Variants in CAMTA1 observed in about 807,000 individuals in gnomAD.
CAMTA1 encodes calmodulin binding transcription activator 1, also known as calmodulin-binding transcription activator 1.
A neutral mutation model predicts 170.9 loss-of-function variants in CAMTA1; 27 were observed. That is an observed-to-expected ratio of 0.16 (90% CI 0.12 to 0.22). CAMTA1 has a LOEUF of 0.22. Ranked by LOEUF, CAMTA1 falls within the 10% of genes least tolerant of loss-of-function variation. CAMTA1 has a pLI of 1.00. For synonymous variants in CAMTA1, 833 were observed against 891.5 expected (o/e 0.93, Z 1.17); for missense variants, 1,619 against 2,217.2 (o/e 0.73, Z 5.42).
intron 11 of CAMTA1, among the ~76,000 whole-genome samples, chr1:7,705,160 G>C (rs1383621515): frequency 6.6e-6 from 1 of 151,732 alleles, no homozygotes; most frequent in Non-Finnish European, 1.5e-5. Context: ...GAAGTGTGGG[G>C]ATCCGGCGGG....
At chr1:7,343,865 G>A (rs2084021732) in intron 5 of CAMTA1, among the ~76,000 whole-genome samples, 1 of 152,230 alleles carries the variant, frequency 6.6e-6, no homozygotes, top group Non-Finnish European at 1.5e-5. Context: ...TGTGGTTGAT[G>A]TGTAGCTAGA....
intron 6 of CAMTA1, among the ~76,000 whole-genome samples, chr1:7,637,574 A>G (rs2095723367): frequency 1.3e-5 from 2 of 152,118 alleles, no homozygotes; most frequent in Non-Finnish European, 2.9e-5. Context: ...TACCCGACCC[A>G]CCTCTTGGGC....
chr1:7,661,894 G>A (rs553432480), intron 8 of CAMTA1, 28 bp downstream of exon 8: 2 of 1,576,484 alleles, frequency 1.3e-6, no homozygotes, highest in African/African-American at 1.3e-5. Context: ...GGGCAGGCGG[G>A]CGCCACGGGG....
At chr1:7,279,869 A>G (rs1417482776) in intron 5 of CAMTA1, among the ~76,000 whole-genome samples, 1 of 151,994 alleles carries the variant, frequency 6.6e-6, no homozygotes, top group Admixed American at 6.5e-5. Flanking sequence ...CCTCTAGACC[A>G]AAAAAAAAGA....
At chr1:7,084,336 G>A (rs1428062845) in intron 3 of CAMTA1, among the ~76,000 whole-genome samples, 1 of 152,170 alleles carries the variant, frequency 6.6e-6, no homozygotes, top group Non-Finnish European at 1.5e-5. Context: ...CTTTTTCTAA[G>A]GGCTGCTCCA....
intron 5 of CAMTA1, among the ~76,000 whole-genome samples, chr1:7,422,191 T>TG (rs767677918): frequency 6.6e-6 from 1 of 152,030 alleles, no homozygotes; most frequent in African/African-American, 2.4e-5. Flanking sequence ...GGGTCGTACA[T>TG]GCAGGCGTGG....
intron 4 of CAMTA1, among the ~76,000 whole-genome samples, chr1:7,143,996 G>A (rs535967444): frequency 2.4e-4 from 36 of 152,136 alleles, no homozygotes; most frequent in Non-Finnish European, 4.7e-4. Context: ...CTTCTCTGTT[G>A]TTTGAGATAC....
chr1:6,874,741 A>C (rs2149015271), intron 3 of CAMTA1, among the ~76,000 whole-genome samples: 1 of 152,328 alleles, frequency 6.6e-6, no homozygotes, highest in East Asian at 1.9e-4. Context: ...CTTTGTTGAT[A>C]GGTTCTTTTA....
At chr1:7,663,242 T>C in intron 8 of CAMTA1, 111 bp from the exon 9 acceptor site, 2 of 1,404,998 alleles carry the variant, frequency 1.4e-6, no homozygotes, top group Non-Finnish European at 1.9e-6. Context: ...CCCCAGCCGC[T>C]GTGGGGCAGG....
At chr1:7,104,072 C>T (rs1287522055) in intron 4 of CAMTA1, among the ~76,000 whole-genome samples, 1 of 150,086 alleles carries the variant, frequency 6.7e-6, no homozygotes, top group East Asian at 2.0e-4. Context: ...GTACACACTA[C>T]ACAGATGTAC....
At chr1:7,154,858 G>A (rs1372240959) in intron 4 of CAMTA1, among the ~76,000 whole-genome samples, 2 of 152,218 alleles carry the variant, frequency 1.3e-5, no homozygotes, top group African/African-American at 4.8e-5. Flanking sequence ...GGGAGTCCAT[G>A]GTTTGGCTGT....
chr1:7,103,581 CAT>C (rs1409902454), intron 4 of CAMTA1, among the ~76,000 whole-genome samples: 50 of 144,474 alleles, frequency 3.5e-4, no homozygotes, highest in Middle Eastern at 4.6e-3. Flanking sequence ...CAACTACACA[CAT>C]GTACACACAA....
intron 5 of CAMTA1, among the ~76,000 whole-genome samples, chr1:7,448,164 C>A (rs1192219175): frequency 6.6e-6 from 1 of 152,186 alleles, no homozygotes; most frequent in African/African-American, 2.4e-5. Flanking sequence ...CTTCCCTGGG[C>A]AAATTCTGGG....
chr1:7,502,951 T>C (rs966282825), intron 6 of CAMTA1, among the ~76,000 whole-genome samples: 4 of 151,360 alleles, frequency 2.6e-5, no homozygotes, highest in African/African-American at 7.3e-5. Context: ...GGCACAGATG[T>C]GCTTGGAGGG....
intron 3 of CAMTA1, among the ~76,000 whole-genome samples, chr1:6,889,660 A>G (rs1674092015): frequency 6.6e-6 from 1 of 152,202 alleles, no homozygotes; most frequent in Admixed American, 6.5e-5. Context: ...TTGTAATTCA[A>G]TGAAGAGTGG....
intron 5 of CAMTA1, among the ~76,000 whole-genome samples, chr1:7,273,647 A>G (rs1005699318): frequency 6.6e-6 from 1 of 152,206 alleles, no homozygotes; most frequent in Non-Finnish European, 1.5e-5. Context: ...AAATGCTCCA[A>G]AATTAGCTTA....
chr1:6,889,802 C>CT (rs1021474480), intron 3 of CAMTA1, among the ~76,000 whole-genome samples: 4 of 152,134 alleles, frequency 2.6e-5, no homozygotes, highest in Non-Finnish European at 5.9e-5. Context: ...ATGCATCACT[C>CT]TTAGTTTTAT....
intron 11 of CAMTA1, chr1:7,701,113 G>A (rs1935230): frequency 0.89 from 135,554 of 152,290 alleles, 60,810 homozygotes; most frequent in East Asian, 1. Flanking sequence ...GAGTTTTTAG[G>A]TGCTTGGAAT....
chr1:6,838,145 G>C (rs551918887), intron 3 of CAMTA1, among the ~76,000 whole-genome samples: 2 of 152,260 alleles, frequency 1.3e-5, no homozygotes, highest in South Asian at 4.1e-4. Context: ...ATATCATTTA[G>C]TCTAGTGCTC....
Sources: gnomAD v4.1 joint callset for allele counts (sites outside exome capture counted in the v4.1 genomes callset) on GRCh38, gnomAD v4.1.1 for gene constraint, MANE v1.5 for transcripts, NCBI Gene and HGNC (gene_info 2026-07-23, HGNC 2026-07-21) for gene names.